LIMK2: variants seen among roughly 807,000 people sequenced by gnomAD.
LIMK2 encodes LIM domain kinase 2.
Under a neutral mutation model 75.7 loss-of-function variants are expected in LIMK2, and 35 were observed. That is an observed-to-expected ratio of 0.46 (90% confidence interval 0.35 to 0.61). The LOEUF (loss-of-function observed/expected upper bound fraction) is 0.61. LIMK2 is among the 20% of genes least tolerant of loss of function. LIMK2 has a pLI of 0.00. For missense variants in LIMK2, 623 were observed against 831.0 expected (o/e 0.75, Z 3.08); for synonymous variants, 301 against 319.2 (o/e 0.94, Z 0.61).
chr22:31,276,910 G>T, intron 15 of LIMK2: 5 of 1,613,410 alleles, frequency 3.1e-6, no homozygotes, highest in Middle Eastern at 1.8e-4. Context: ...CCTCAACCTA[G>T]AGGAGTGGAT....
At position 31,267,901 on chromosome 22, in the gene LIMK2, C is replaced by T; in HGVS notation, c.1254C>T (p.Arg418=). ...IEGGTLKDFL[R]SMDPFPWQQK... is the part of the protein sequence containing the mutation. Reference sequence around the variant, plus strand: ...GGGGCACACTGAAGGACTTTCTGCGCAGTATGGTGAGCACACCACCCCATA... The same window carrying T: ...GGGGCACACTGAAGGACTTTCTGCGTAGTATGGTGAGCACACCACCCCATA... Residue 418 remains arginine, a synonymous_variant, in exon 10 of 16, where the codon CGC becomes CGT. Coordinates refer to ENST00000331728, the MANE Select transcript of LIMK2 (RefSeq NM_005569.4). 9 of 1,598,334 alleles carry T rather than the reference C, an allele frequency of 5.6e-6. No individual in the cohort carries two copies. Among genetic ancestry groups the T allele is most frequent in the Non-Finnish European group, 6.8e-6 (8 of 1,173,508 alleles).
At chr22:31,269,071 T>C (rs977319824) in intron 11 of LIMK2, among the ~76,000 whole-genome samples, 2 of 151,970 alleles carry the variant, frequency 1.3e-5, no homozygotes, top group African/African-American at 2.4e-5. Context: ...TGTTTTTTTT[T>C]CCTGTTTCTG....
intron 2 of LIMK2, among the ~76,000 whole-genome samples, chr22:31,249,773 C>T (rs2106294): frequency 0.79 from 120,093 of 152,008 alleles, 48,413 homozygotes; most frequent in African/African-American, 0.95. Context: ...AAAAGCAGTG[C>T]ACCATGTGGT....
intron 2 of LIMK2, among the ~76,000 whole-genome samples, chr22:31,243,450 CT>C (rs1373469596): frequency 6.6e-6 from 1 of 152,184 alleles, no homozygotes; most frequent in East Asian, 1.9e-4. Context: ...TTGACCAGAG[CT>C]TTCTTCCGAC....
chr22:31,212,966 C>A (rs1375423776), intron 1 of LIMK2, among the ~76,000 whole-genome samples: 5 of 152,166 alleles, frequency 3.3e-5, no homozygotes, highest in Admixed American at 6.5e-5. Flanking sequence ...GTCTGGGAGT[C>A]CCCCGGGGCT....
intron 2 of LIMK2, chr22:31,248,466 C>G: frequency 6.7e-7 from 1 of 1,497,886 alleles, no homozygotes; most frequent in Non-Finnish European, 8.9e-7. Flanking sequence ...CCAGAGGGGC[C>G]GCCTGAGCTT....
chr22:31,258,327 C>T lies in LIMK2; in HGVS notation c.153C>T (p.Tyr51=), dbSNP rs762936706. 6.2e-7 allele frequency: 1 copy of T among 1,612,994 alleles called. No homozygotes were observed. Among genetic ancestry groups the T allele is most frequent in the Non-Finnish European group, 8.5e-7 (1 of 1,179,322 alleles). ...SECQDSLTNW[Y]YEKDGKLYCP... is the part of the protein sequence containing the mutation. Reference sequence around the variant, plus strand: ...GCCAGGATTCCCTCACCAACTGGTACTATGAGAAGGATGGGAAGCTCTACT... The same window carrying T: ...GCCAGGATTCCCTCACCAACTGGTATTATGAGAAGGATGGGAAGCTCTACT... Residue 51 remains tyrosine (Y), a synonymous_variant, in exon 3 of 16, where the codon TAC becomes TAT. Transcript: ENST00000331728.
intron 2 of LIMK2, among the ~76,000 whole-genome samples, chr22:31,231,977 G>A (rs540830151): frequency 1.3e-5 from 2 of 152,006 alleles, no homozygotes; most frequent in South Asian, 4.2e-4. Flanking sequence ...ACCACACCTT[G>A]CCATTTTTTT....
At chr22:31,222,519 C>T (rs1175052146) in intron 1 of LIMK2, among the ~76,000 whole-genome samples, 3 of 151,572 alleles carry the variant, frequency 2.0e-5, no homozygotes, top group Admixed American at 6.6e-5. Context: ...GGACTACAGG[C>T]GTGCACCACC....
At chr22:31,265,151 G>A (rs866562657) in intron 7 of LIMK2, among the ~76,000 whole-genome samples, 4 of 134,040 alleles carry the variant, frequency 3.0e-5, no homozygotes, top group African/African-American at 8.6e-5. Flanking sequence ...TGGAGATCCC[G>A]CCGTTGCACT....
At position 31,257,040 on chromosome 22, in the gene LIMK2, A is replaced by ATTT. The variant is rs529919320; in HGVS notation, c.117-1219_117-1217dup. 1.3e-3 allele frequency among the ~76,000 whole-genome samples: 98 copies of ATTT among 75,074 alleles called. 5 individuals carry two copies. The highest frequency in any genetic ancestry group is 2.6e-3 in the Non-Finnish European group (87 of 33,848). The allele number at this position is 75,074 out of a possible 152,430, so 49.3% of individuals were successfully genotyped here. A position where few individuals can be genotyped will look rare whatever the true frequency, so the allele number is the denominator to read the frequency against. The stretch of plus-strand genomic sequence containing the variant: ...TCATTAGGGGAGAAGGGAGCTATAG[A>ATTT]TTTTTTTTTTTTTTTTTTTTTTTTT... On this transcript the variant is annotated intron_variant, in intron 2 of 15. Coordinates refer to ENST00000331728, the MANE Select transcript of LIMK2 (RefSeq NM_005569.4).
Position 31,273,511 on chromosome 22 carries a change from A to T in LIMK2, c.1614+4A>T. 6.2e-7 allele frequency: 1 copy of T among 1,613,466 alleles called. No homozygotes were observed. Among genetic ancestry groups the T allele is most frequent in the Non-Finnish European group, 8.5e-7 (1 of 1,179,472 alleles). On this transcript the variant is annotated splice_donor_region_variant and intron_variant, in intron 14 of 15. Coordinates refer to ENST00000331728, the MANE Select transcript of LIMK2 (RefSeq NM_005569.4). ...CTTTGGGATCGTTCTCTGTGAGGTG[A>T]GCTCTGGCACCAAGGCCATGCCCGA... is the stretch of plus-strand genomic sequence containing the variant.
chr22:31,262,328 C>A lies in LIMK2; in HGVS notation c.657+89C>A. 1 of 1,075,952 alleles carries A rather than the reference C, an allele frequency of 9.3e-7. No homozygotes were observed. The allele number at this position is 1,075,952 out of a possible 1,614,324, so 66.7% of individuals were successfully genotyped here. On this transcript the variant is annotated intron_variant, in intron 6 of 15. Transcript: ENST00000331728. This position sits in a 1 kb window ranked among gnomAD's most constrained non-coding sequence, Gnocchi z 5.0. ...GGCTGTAGCCTTTACCTTTTCCTAC[C>A]CCCAGCCCATCTCTTTGTCTTAGCA...
At chr22:31,253,137 C>T (rs2048742332) in intron 2 of LIMK2, among the ~76,000 whole-genome samples, 1 of 152,114 alleles carries the variant, frequency 6.6e-6, no homozygotes, top group Non-Finnish European at 1.5e-5. Flanking sequence ...GTATGTAGGC[C>T]TCTAGGTGAT....
At chr22:31,225,128 C>A (rs2048467928) in intron 1 of LIMK2, among the ~76,000 whole-genome samples, 1 of 152,186 alleles carries the variant, frequency 6.6e-6, no homozygotes, top group Non-Finnish European at 1.5e-5. Context: ...CCCCCGCCCC[C>A]CAACCCCCAG....
chr22:31,240,624 G>A lies in LIMK2; in HGVS notation c.116+14805G>A, dbSNP rs560891123. 7.2e-5 allele frequency among the ~76,000 whole-genome samples: 11 copies of A among 152,052 alleles called. No homozygotes were observed. In the South Asian group the frequency reaches 2.1e-3, roughly 29 times the overall value. On this transcript the variant is annotated intron_variant, in intron 2 of 15. Transcript: ENST00000331728. Reference sequence around the variant, plus strand: ...GTTTTAGTAGAGACGGGGTTTCACCGTGTTGGCCAGGATGGTCTCGATCTC... The same window carrying A: ...GTTTTAGTAGAGACGGGGTTTCACCATGTTGGCCAGGATGGTCTCGATCTC...
chr22:31,243,846 T>A (rs1280964375), intron 2 of LIMK2, among the ~76,000 whole-genome samples: 1 of 152,228 alleles, frequency 6.6e-6, no homozygotes, highest in African/African-American at 2.4e-5. Context: ...CTCCCAGTGA[T>A]GGGTGGCTTG....
At chr22:31,227,492 A>G (rs1009905392) in intron 2 of LIMK2, among the ~76,000 whole-genome samples, 3 of 152,254 alleles carry the variant, frequency 2.0e-5, no homozygotes, top group African/African-American at 7.2e-5. Context: ...GCTATAACTC[A>G]GAGCTCTCAA....
At chr22:31,245,474 G>C (rs1198739656) in intron 2 of LIMK2, among the ~76,000 whole-genome samples, 1 of 152,104 alleles carries the variant, frequency 6.6e-6, no homozygotes, top group Non-Finnish European at 1.5e-5. Context: ...GCTAATTTTT[G>C]TATTTTTAGT....
Sources: gnomAD v4.1 joint callset for allele counts (sites outside exome capture counted in the v4.1 genomes callset) on GRCh38, gnomAD v4.1.1 for gene constraint, Gnocchi (gnomAD v3.1) non-coding constraint, MANE v1.5 for transcripts, NCBI Gene and HGNC (gene_info 2026-07-23, HGNC 2026-07-21) for gene names.